SLC16A4: variants seen among roughly 807,000 people sequenced by gnomAD.
The protein encoded by SLC16A4 is solute carrier family 16 member 4, also known as probable monocarboxylate transporter 5.
In SLC16A4, 39 loss-of-function variants were observed where a neutral mutation model predicts 47.9. The ratio of observed to expected loss-of-function variants is 0.81; its 90% CI spans 0.63 to 1.06. SLC16A4 has a LOEUF of 1.06. Among genes scored for constraint, SLC16A4 ranks in the 50% least tolerant of loss-of-function variants. The probability of loss-of-function intolerance (pLI) is 0.00; values close to 1 mark genes in which losing one functional copy is unlikely to be tolerated. For missense variants in SLC16A4, 524 were observed against 573.8 expected (o/e 0.91, Z 0.89); for synonymous variants, 189 against 199.9 (o/e 0.95, Z 0.46).
chr1:110,373,427 T>C (rs1661792815), intron 8 of SLC16A4, among the ~76,000 whole-genome samples: 1 of 152,156 alleles, frequency 6.6e-6, no homozygotes, highest in Non-Finnish European at 1.5e-5. Flanking sequence ...CATAGAGTAG[T>C]TGTGCAAGGT....
At chr1:110,375,152 C>T in intron 8 of SLC16A4, 1 of 194,432 alleles carries the variant, frequency 5.1e-6, no homozygotes, top group Non-Finnish European at 1.0e-5. Context: ...TTTTTTAAAG[C>T]ATCATGGGTC....
intron 7 of SLC16A4, 139 bp downstream of exon 7, chr1:110,376,811 A>C: frequency 2.8e-5 from 18 of 642,514 alleles, no homozygotes; most frequent in Non-Finnish European, 4.2e-5. Context: ...TGGACAGGAT[A>C]TAGCTGCAGA....
chr1:110,376,413 G>C (rs1255450944), intron 7 of SLC16A4, among the ~76,000 whole-genome samples: 1 of 152,144 alleles, frequency 6.6e-6, no homozygotes, highest in Admixed American at 6.5e-5. Context: ...GGGGTTCCCA[G>C]AACACTGAAG....
chr1:110,383,559 T>A (rs1662547391), intron 2 of SLC16A4, among the ~76,000 whole-genome samples: 2 of 152,110 alleles, frequency 1.3e-5, no homozygotes, highest in Non-Finnish European at 2.9e-5. Flanking sequence ...TTAATCTGGG[T>A]GGTGCCAGCT....
chr1:110,377,996 A>AT (rs1408782084), intron 6 of SLC16A4, among the ~76,000 whole-genome samples: 3 of 151,724 alleles, frequency 2.0e-5, no homozygotes, highest in Non-Finnish European at 4.4e-5. Context: ...CGCCTGGCTA[A>AT]TTTTTTGTAT....
chr1:110,381,147 A>G lies in SLC16A4; in HGVS notation c.365-4T>C, dbSNP rs1008988933. The G allele has an allele frequency of 1.2e-6, 2 of 1,613,110 alleles. No individual in the cohort carries two copies. The highest frequency in any genetic ancestry group is 1.7e-6 in the Non-Finnish European group (2 of 1,179,464). On this transcript the variant is annotated splice_polypyrimidine_tract_variant and splice_region_variant and intron_variant, in intron 4 of 8. Coordinates refer to ENST00000369779, the MANE Select transcript of SLC16A4 (RefSeq NM_004696.3). ...TATAAGAAAGCAGAACCCAAACCTA[A>G]AAGAAAAACGTAATAGTTTAGAATC... is the stretch of plus-strand genomic sequence containing the variant.
chr1:110,365,227 A>G (rs1274181856), intron 8 of SLC16A4, among the ~76,000 whole-genome samples: 1 of 151,840 alleles, frequency 6.6e-6, no homozygotes, highest in Non-Finnish European at 1.5e-5. Flanking sequence ...TGGAGCTTAC[A>G]TTGTGTCTTT....
intron 2 of SLC16A4, among the ~76,000 whole-genome samples, chr1:110,384,595 G>A (rs1440835659): frequency 6.6e-6 from 1 of 152,176 alleles, no homozygotes; most frequent in Admixed American, 6.5e-5. Context: ...GGTCTAGAGG[G>A]GAACCTAGCC....
chr1:110,385,929 CTT>C (rs1354562672), intron 2 of SLC16A4, among the ~76,000 whole-genome samples: 2 of 152,188 alleles, frequency 1.3e-5, no homozygotes, highest in Non-Finnish European at 2.9e-5. Context: ...TCTCAAATGA[CTT>C]AGACTTTCTT....
At chr1:110,385,312 A>G (rs1423490730) in intron 2 of SLC16A4, among the ~76,000 whole-genome samples, 1 of 152,224 alleles carries the variant, frequency 6.6e-6, no homozygotes, top group Non-Finnish European at 1.5e-5. Flanking sequence ...GGGAGGCGGC[A>G]TTGGGGATGA....
At chr1:110,366,391 C>A (rs1051406134) in intron 8 of SLC16A4, among the ~76,000 whole-genome samples, 1 of 152,126 alleles carries the variant, frequency 6.6e-6, no homozygotes, top group Non-Finnish European at 1.5e-5. Context: ...AACTCCTGAT[C>A]TCAGGTGATC....
intron 8 of SLC16A4, among the ~76,000 whole-genome samples, chr1:110,364,278 T>C (rs1302275706): frequency 6.6e-6 from 1 of 152,178 alleles, no homozygotes; most frequent in Non-Finnish European, 1.5e-5. Context: ...ACTATATTCC[T>C]GTTAATATTG....
chr1:110,377,089 T>C lies in SLC16A4; in HGVS notation c.1103A>G (p.Tyr368Cys). The change falls in exon 7 of 9, where the codon TAC (tyrosine) becomes TGC (cysteine). Residue 368 changes from tyrosine (Y) to cysteine (C), a missense_variant. Physicochemically the swap from Tyr to Cys is radical, Grantham distance 194. Coordinates refer to ENST00000369779, the MANE Select transcript of SLC16A4 (RefSeq NM_004696.3). ...ADQNWIKKYH[Y>C]HKSYLILCGI... is the part of the protein sequence containing the mutation. ...GCAGAGGATGAGGTAAGACTTGTGG[T>C]AATGATACTTCTTAATCCAGTTTTG... 1.2e-6 allele frequency: 2 copies of C among 1,614,168 alleles called. No homozygotes were observed. Among genetic ancestry groups the C allele is most frequent in the Non-Finnish European group, 8.5e-7 (1 of 1,180,028 alleles).
At chr1:110,381,517 T>C (rs544628809) in intron 4 of SLC16A4, 135 bp downstream of exon 4, 1 of 798,838 alleles carries the variant, frequency 1.3e-6, no homozygotes, top group East Asian at 2.8e-5. Context: ...AGAGACAGGG[T>C]TTCACCATGT....
At chr1:110,372,184 CTG>C (rs1269736109) in intron 8 of SLC16A4, 2 of 151,754 alleles carry the variant, frequency 1.3e-5, no homozygotes, top group Admixed American at 6.6e-5. Context: ...CTTTTTTTGT[CTG>C]TGTGATCTAC....
Position 110,379,181 on chromosome 1 carries a change from C to A in SLC16A4, c.702G>T (p.Glu234Asp). 6.2e-7 allele frequency: 1 copy of A among 1,614,150 alleles called. No individual in the cohort carries two copies. Among genetic ancestry groups the A allele is most frequent in the Non-Finnish European group, 8.5e-7 (1 of 1,180,004 alleles). ...ATETHCHETE[E>D]STIKDSTTQK... ...GCGTAGTACTGTCCTTGATGGTAGA[C>A]TCTTCTGTCTCATGGCAGTGTGTTT... The change falls in exon 6 of 9, where the codon GAG becomes GAT. Residue 234 changes from glutamate (E) to aspartate (D), a missense_variant. By Grantham distance (45) the Glu-to-Asp change is conservative. Transcript: ENST00000369779.
chr1:110,389,148 A>T (rs1662887174), intron 2 of SLC16A4, 89 bp downstream of exon 2: 2 of 1,114,024 alleles, frequency 1.8e-6, no homozygotes, highest in Non-Finnish European at 2.8e-6. Flanking sequence ...AAGATTTCCT[A>T]AGTGATCCTA....
At chr1:110,376,840 A>G (rs991329692) in intron 7 of SLC16A4, 110 bp downstream of exon 7, 53 of 923,108 alleles carry the variant, frequency 5.7e-5, no homozygotes, top group Non-Finnish European at 8.4e-5. Flanking sequence ...GGTCTTTGAA[A>G]TGATTTTTTA....
In SLC16A4 at chr1:110,390,439, G is replaced by GA. The variant is rs970377021; in HGVS notation, c.-33+425dup. Among the ~76,000 whole-genome samples the GA allele has an allele frequency of 2.3e-4, 35 of 152,044 alleles. No individual in the cohort carries two copies. In the South Asian group the frequency reaches 2.5e-3, roughly 11 times the overall value. ...CGCTTATTGAATATATCCTAGATCA[G>GA]AAAAAAAAGTTGTAAAAGACAGTTT... On this transcript the variant is annotated intron_variant, in intron 1 of 8. Coordinates refer to ENST00000369779, the MANE Select transcript of SLC16A4 (RefSeq NM_004696.3).
Sources: gnomAD v4.1 joint callset for allele counts (sites outside exome capture counted in the v4.1 genomes callset) on GRCh38, gnomAD v4.1.1 for gene constraint, MANE v1.5 for transcripts, NCBI Gene and HGNC (gene_info 2026-07-23, HGNC 2026-07-21) for gene names.